Variants in KIF23 observed in about 807,000 individuals in gnomAD.
KIF23 encodes the protein kinesin family member 23.
Under a neutral mutation model 137.5 loss-of-function variants are expected in KIF23, and 30 were observed. The ratio of observed to expected loss-of-function variants is 0.22; its 90% CI spans 0.16 to 0.30. KIF23 has a LOEUF of 0.30. Among genes scored for constraint, KIF23 ranks in the 10% least tolerant of loss-of-function variants. The pLI is 1.00. For missense variants in KIF23, 920 were observed against 1,194.3 expected, an observed-to-expected ratio of 0.77 and a Z score of 3.38; for synonymous variants, 367 against 391.1, an observed-to-expected ratio of 0.94 and a Z score of 0.73.
Position 69,436,209 on chromosome 15 carries a change from T to C in KIF23, c.1386T>C (p.Gly462=). The C allele has an allele frequency of 6.2e-7, 1 of 1,613,972 alleles. No homozygotes were observed. The highest frequency in any genetic ancestry group is 1.1e-5 in the South Asian group (1 of 91,066). ...GACCTGTAGACAAGGCAATATGTGG[T>C]TTAACGCCTGGGAGGAGATACAGAA... ...VARPVDKAIC[G]LTPGRRYRNQ... Residue 462 remains glycine (G), a synonymous_variant, in exon 14 of 24, where the codon GGT becomes GGC. Transcript: ENST00000679126.
At position 69,440,858 on chromosome 15, in the gene KIF23, A is replaced by G. The variant is rs1047776093; in HGVS notation, c.2200A>G (p.Ile734Val). ...LHRRSNSCSS[I>V]SVASCISEWE... ...TAGGCGCTCTAACTCTTGCAGCAGC[A>G]TTTCTGTAGCTTCCTGTATTTCGGA... The change falls in exon 19 of 24, where the codon ATT becomes GTT. Residue 734 changes from isoleucine (I) to valine (V), a missense_variant. Transcript: ENST00000679126. 1 of 1,614,028 alleles carries G rather than the reference A, an allele frequency of 6.2e-7. No homozygotes were observed. Among genetic ancestry groups the G allele is most frequent in the African/African-American group, 1.3e-5 (1 of 74,920 alleles).
chr15:69,427,627 T>C, intron 10 of KIF23: 1 of 350,378 alleles, frequency 2.9e-6, no homozygotes, highest in South Asian at 2.2e-5. Flanking sequence ...GGGTCCCCCA[T>C]ATGCAGATCA....
intron 11 of KIF23, among the ~76,000 whole-genome samples, chr15:69,431,739 G>T (rs2057360677): frequency 6.6e-6 from 1 of 152,184 alleles, no homozygotes; most frequent in Non-Finnish European, 1.5e-5. Flanking sequence ...GCTTGGGATG[G>T]ACAGAGAAGG....
In KIF23 at chr15:69,440,809, A is replaced by G; in HGVS notation, c.2151A>G (p.Gln717=). 1.2e-6 allele frequency: 2 copies of G among 1,612,844 alleles called. No individual in the cohort carries two copies. Among genetic ancestry groups the G allele is most frequent in the Non-Finnish European group, 1.7e-6 (2 of 1,179,954 alleles). The change falls in exon 19 of 24, where the codon CAA becomes CAG. Residue 717 remains glutamine (Q), a synonymous_variant. Transcript: ENST00000679126. The part of the protein sequence containing the change: ...NYIAQISNGQ[Q]LMSQPQLHRR... ...TTGCTCAGATTTCCAACGGCCAGCA[A>G]CTCATGAGCCAGCCACAGCTACATA...
chr15:69,442,249 T>G (rs917659004), intron 19 of KIF23, among the ~76,000 whole-genome samples: 1 of 152,206 alleles, frequency 6.6e-6, no homozygotes, highest in African/African-American at 2.4e-5. Flanking sequence ...CCCAATAAAT[T>G]GCTTTTAATC....
rs757429981 is a variant in KIF23 at position 69,436,253 on chromosome 15, T to C, written c.1430T>C (p.Val477Ala). ...RRYRNQPRGPVGNEPLVTDVV... is the reference protein window; with the variant it reads ...RRYRNQPRGPAGNEPLVTDVV... ...TACAGAAACCAGCCTCGAGGTCCAG[T>C]TGGAAATGGTATGATTTGGTGTTGT... The change falls in exon 14 of 24, where the codon GTT becomes GCT. Residue 477 changes from valine (V) to alanine (A), a missense_variant. Coordinates refer to ENST00000679126, the MANE Select transcript of KIF23 (RefSeq NM_001367805.3). 2.2e-5 allele frequency: 36 copies of C among 1,613,618 alleles called. No homozygotes were observed. Among genetic ancestry groups the C allele is most frequent in the Non-Finnish European group, 1.7e-6 (2 of 1,179,900 alleles).
intron 19 of KIF23, among the ~76,000 whole-genome samples, chr15:69,441,625 A>C (rs995168043): frequency 6.6e-6 from 1 of 152,186 alleles, no homozygotes; most frequent in Admixed American, 6.5e-5. Context: ...TGTGAAAGGA[A>C]ATCACAGACT....
At chr15:69,434,463 C>G in intron 11 of KIF23, 1 of 535,502 alleles carries the variant, frequency 1.9e-6, no homozygotes, top group Non-Finnish European at 3.5e-6. Flanking sequence ...TAAGAGATGC[C>G]TCAATATTCT....
At chr15:69,435,169 C>T in intron 11 of KIF23, 1 of 472,888 alleles carries the variant, frequency 2.1e-6, no homozygotes, top group Non-Finnish European at 3.7e-6. Context: ...TTAAACATCT[C>T]TATATAAGAT....
intron 11 of KIF23, among the ~76,000 whole-genome samples, chr15:69,431,773 G>T (rs1046086692): frequency 3.9e-5 from 6 of 151,972 alleles, no homozygotes; most frequent in African/African-American, 1.5e-4. Flanking sequence ...GGGATTTGAG[G>T]GATTATGAAA....
chr15:69,434,939 G>T (rs1025415995), intron 11 of KIF23: 1 of 673,692 alleles, frequency 1.5e-6, no homozygotes, highest in South Asian at 1.8e-5. Context: ...AGCTGTACGC[G>T]GGCATGAGGA....
In KIF23 at chr15:69,435,555, C is replaced by A. The variant is rs1295685992; in HGVS notation, c.1187C>A (p.Thr396Asn). The change falls in exon 12 of 24, where the codon ACT becomes AAT. Residue 396 changes from threonine (T) to asparagine (N), a missense_variant. By Grantham distance (65) the Thr-to-Asn change is moderately conservative (BLOSUM62 0). Around this residue, in one of 4 missense-constraint regions of KIF23, gnomAD observed 714 missense variants for 866.2 expected, o/e 0.82. Transcript: ENST00000679126. ...DVLRENQMYG[T>N]NKMVPYRDSK... ...CTAAGAGAGAACCAAATGTATGGAACTAACAAGGTAAGCAGCAGCCTTCTC... is the reference window on the plus strand; with the variant it reads ...CTAAGAGAGAACCAAATGTATGGAAATAACAAGGTAAGCAGCAGCCTTCTC... The A allele has an allele frequency of 6.2e-7, 1 of 1,613,990 alleles. No individual in the cohort carries two copies. Among genetic ancestry groups the A allele is most frequent in the Non-Finnish European group, 8.5e-7 (1 of 1,179,934 alleles).
chr15:69,434,698 G>A, intron 11 of KIF23: 1 of 1,448,090 alleles, frequency 6.9e-7, no homozygotes, highest in East Asian at 2.3e-5. Context: ...TTGAGCCAGA[G>A]CCTCAGATTG....
intron 4 of KIF23, 66 bp from the exon 5 acceptor site, chr15:69,421,926 C>G: frequency 6.4e-7 from 1 of 1,563,160 alleles, no homozygotes; most frequent in Non-Finnish European, 8.7e-7. Flanking sequence ...TTTTCTAATG[C>G]AGTGAAGAAA....
At chr15:69,427,859 A>G (rs929727493) in intron 10 of KIF23, among the ~76,000 whole-genome samples, 10 of 152,226 alleles carry the variant, frequency 6.6e-5, no homozygotes, top group Non-Finnish European at 1.5e-4. Flanking sequence ...GACTAGCTAT[A>G]ATAAAACCTC....
chr15:69,439,481 G>T (rs943068048), intron 16 of KIF23, among the ~76,000 whole-genome samples: 3 of 152,152 alleles, frequency 2.0e-5, no homozygotes, highest in Admixed American at 6.5e-5. Flanking sequence ...GGGGTAGAAG[G>T]AAATACCGTT....
At chr15:69,422,760 G>A in intron 6 of KIF23, 1 of 305,112 alleles carries the variant, frequency 3.3e-6, no homozygotes. Flanking sequence ...GCTTGTAATT[G>A]CAGATATTTA....
In KIF23 at chr15:69,423,359, T is replaced by C. The variant is rs777100148; in HGVS notation, c.734+30T>C. Reference sequence around the variant, plus strand: ...GTAATAAAGAGAGCCCCTTCTTAGCTGTTAATGTTGGGGAAGTTACTTTGC... The same window carrying C: ...GTAATAAAGAGAGCCCCTTCTTAGCCGTTAATGTTGGGGAAGTTACTTTGC... On this transcript the variant is annotated intron_variant, in intron 7 of 23. Transcript: ENST00000679126. 2.1e-6 allele frequency: 3 copies of C among 1,452,720 alleles called. No homozygotes were observed. In the South Asian group the frequency reaches 4.3e-5, roughly 21 times the overall value. 90.0% of individuals were successfully genotyped at this position (1,452,720 alleles called of 1,614,324 possible).
chr15:69,419,816 T>C (rs745813480), intron 3 of KIF23, among the ~76,000 whole-genome samples: 3 of 152,316 alleles, frequency 2.0e-5, no homozygotes, highest in Non-Finnish European at 4.4e-5. Flanking sequence ...GGATATAATA[T>C]AGTTAAACAC....
Sources: allele counts gnomAD v4.1 joint callset (sites outside exome capture counted in the v4.1 genomes callset), GRCh38; gene constraint gnomAD v4.1.1; regional missense constraint gnomAD v4.1.1; transcripts MANE v1.5; gene names NCBI Gene and HGNC (gene_info 2026-07-23, HGNC 2026-07-21).